The following INPP4B variants were observed in gnomAD, a reference collection of about 807,000 sequenced individuals.
The protein encoded by INPP4B is inositol polyphosphate-4-phosphatase type II B.
INPP4B carries 55 observed loss-of-function variants against 122.5 expected under a neutral mutation model. The observed-to-expected ratio is 0.45, with a 90% confidence interval of 0.36 to 0.56. The LOEUF (loss-of-function observed/expected upper bound fraction) is 0.56. Ranked by LOEUF, INPP4B falls within the 20% of genes least tolerant of loss-of-function variation. The pLI is 0.00. For missense variants in INPP4B, 1,000 were observed against 1,097.7 expected (o/e 0.91, Z 1.26); for synonymous variants, 403 against 388.7 (o/e 1.04, Z -0.43).
chr4:142,455,067 T>C (rs1815102160), intron 3 of INPP4B, among the ~76,000 whole-genome samples: 1 of 152,052 alleles, frequency 6.6e-6, no homozygotes, highest in Non-Finnish European at 1.5e-5. Context: ...TATGTATTTA[T>C]GAGGTATCAA....
At chr4:142,606,517 C>G (rs945861743) in intron 2 of INPP4B, among the ~76,000 whole-genome samples, 1 of 151,916 alleles carries the variant, frequency 6.6e-6, no homozygotes, top group Middle Eastern at 3.4e-3. Flanking sequence ...CACATGTACC[C>G]TATACATGTG....
chr4:142,833,528 T>G (rs72935995), intron 1 of INPP4B, among the ~76,000 whole-genome samples: 10,771 of 152,076 alleles, frequency 0.071, 1,285 homozygotes, highest in African/African-American at 0.25. Flanking sequence ...TATATATTTA[T>G]GTCATTTTTA....
chr4:142,638,839 C>T (rs938637815), intron 2 of INPP4B, among the ~76,000 whole-genome samples: 1 of 152,126 alleles, frequency 6.6e-6, no homozygotes, highest in Non-Finnish European at 1.5e-5. Context: ...AGCCACCATG[C>T]CCGGCCTAGT....
intron 17 of INPP4B, among the ~76,000 whole-genome samples, chr4:142,152,593 C>A (rs1335138262): frequency 6.6e-6 from 1 of 151,932 alleles, no homozygotes; most frequent in Non-Finnish European, 1.5e-5. Context: ...TTCAAAATTT[C>A]TTCTTCTTTC....
intron 5 of INPP4B, among the ~76,000 whole-genome samples, chr4:142,406,522 A>C (rs1803403235): frequency 6.6e-6 from 1 of 152,222 alleles, no homozygotes; most frequent in African/African-American, 2.4e-5. Flanking sequence ...AAGTACAAGG[A>C]GATAGAAAAA....
chr4:142,221,410 A>G (rs1359103016), intron 12 of INPP4B, among the ~76,000 whole-genome samples: 24 of 150,910 alleles, frequency 1.6e-4, no homozygotes, highest in Admixed American at 1.5e-3. Context: ...AAAAAAAAAA[A>G]AAAAAGAAAT....
rs138885340 is a variant in INPP4B at position 142,492,157 on chromosome 4, G to T, written c.-190-29431C>A. 3.7e-3 allele frequency among the ~76,000 whole-genome samples: 560 copies of T among 152,198 alleles called. 4 individuals carry two copies. Among genetic ancestry groups the T allele is most frequent in the African/African-American group, 0.013 (530 of 41,558 alleles). Reference sequence around the variant, plus strand: ...CCACCATGAGTAGAAGGATGTGTTTGCTTCCACTTCTGCCATGATTGTCAG... The same window carrying T: ...CCACCATGAGTAGAAGGATGTGTTTTCTTCCACTTCTGCCATGATTGTCAG... On this transcript the variant is annotated intron_variant, in intron 2 of 25. Coordinates refer to ENST00000262992, the MANE Select transcript of INPP4B (RefSeq NM_001101669.3).
At chr4:142,330,185 T>A (rs1043511771) in intron 7 of INPP4B, among the ~76,000 whole-genome samples, 2 of 152,172 alleles carry the variant, frequency 1.3e-5, no homozygotes, top group Non-Finnish European at 2.9e-5. Context: ...CAAAGACCCA[T>A]GAAGAGCAAA....
intron 7 of INPP4B, among the ~76,000 whole-genome samples, chr4:142,336,941 T>C (rs1267217152): frequency 6.6e-6 from 1 of 152,236 alleles, no homozygotes; most frequent in Non-Finnish European, 1.5e-5. Flanking sequence ...TATTCTCCAC[T>C]AGAGACAATC....
intron 7 of INPP4B, among the ~76,000 whole-genome samples, chr4:142,340,823 G>A (rs901435608): frequency 5.9e-5 from 9 of 152,056 alleles, no homozygotes; most frequent in African/African-American, 2.2e-4. Context: ...CCCTAGAGCA[G>A]GCCTCTAGAG....
At chr4:142,671,745 C>G (rs1253361892) in intron 2 of INPP4B, among the ~76,000 whole-genome samples, 1 of 152,034 alleles carries the variant, frequency 6.6e-6, no homozygotes, top group Non-Finnish European at 1.5e-5. Flanking sequence ...AAATTCCCAT[C>G]GAAGTGGTTA....
In INPP4B at chr4:142,086,220, G is replaced by T; in HGVS notation, c.2411C>A (p.Ala804Glu). 3 of 1,587,910 alleles carry T rather than the reference G, an allele frequency of 1.9e-6. No homozygotes were observed. Among genetic ancestry groups the T allele is most frequent in the Non-Finnish European group, 2.6e-6 (3 of 1,156,542 alleles). The change falls in exon 24 of 26, where the codon GCA becomes GAA. Residue 804 changes from alanine to glutamate, a missense_variant. Coordinates refer to ENST00000262992, the MANE Select transcript of INPP4B (RefSeq NM_001101669.3). ...ATTTTGAAGGAGATTTTCTAGCAAT[G>T]CTTTTAAATCATTTTGTTCCTGAAA... ...SHFQEQNDLK[A>E]LLENLLQNIQ... is the part of the protein sequence containing the mutation.
At chr4:142,231,671 G>T in intron 12 of INPP4B, among the ~76,000 whole-genome samples, 1 of 152,060 alleles carries the variant, frequency 6.6e-6, no homozygotes, top group Middle Eastern at 3.2e-3. Context: ...ATCAATCATA[G>T]CAGCCTTTTA....
At chr4:142,337,672 C>T (rs1439653611) in intron 7 of INPP4B, among the ~76,000 whole-genome samples, 24 of 101,468 alleles carry the variant, frequency 2.4e-4, no homozygotes, top group Non-Finnish European at 4.2e-4. Context: ...ATCCTTTATT[C>T]ATTATATATA....
chr4:142,825,288 C>G (rs1781320128), intron 1 of INPP4B, among the ~76,000 whole-genome samples: 7 of 151,984 alleles, frequency 4.6e-5, no homozygotes, highest in Admixed American at 4.6e-4. Flanking sequence ...ATACAGATGT[C>G]CAGAAGAGTT....
intron 7 of INPP4B, among the ~76,000 whole-genome samples, chr4:142,316,922 G>A (rs1427332385): frequency 1.3e-5 from 2 of 152,164 alleles, no homozygotes; most frequent in Non-Finnish European, 2.9e-5. Flanking sequence ...AGTGAATAAT[G>A]CCCCAGTGTT....
At chr4:142,697,248 T>C (rs1728591205) in intron 2 of INPP4B, among the ~76,000 whole-genome samples, 1 of 152,158 alleles carries the variant, frequency 6.6e-6, no homozygotes, top group Admixed American at 6.6e-5. Flanking sequence ...GAACAACCTC[T>C]ATATCATTCT....
At chr4:142,138,651 G>A (rs180880772) in intron 18 of INPP4B, among the ~76,000 whole-genome samples, 1 of 152,250 alleles carries the variant, frequency 6.6e-6, no homozygotes, top group African/African-American at 2.4e-5. Flanking sequence ...CACTAGCTCT[G>A]TGATCTTAGG....
chr4:142,648,146 T>G (rs1255094513), intron 2 of INPP4B, among the ~76,000 whole-genome samples: 7 of 152,260 alleles, frequency 4.6e-5, no homozygotes. Flanking sequence ...TTGCCTCCAC[T>G]GCAAGGCTAT....
Sources: gnomAD v4.1 joint callset for allele counts (sites outside exome capture counted in the v4.1 genomes callset) on GRCh38, gnomAD v4.1.1 for gene constraint, MANE v1.5 for transcripts, NCBI Gene and HGNC (gene_info 2026-07-23, HGNC 2026-07-21) for gene names.